The following NRXN1 variants were observed in gnomAD, a reference collection of about 807,000 sequenced individuals.
NRXN1 encodes neurexin 1.
Under a neutral mutation model 150.9 loss-of-function variants are expected in NRXN1, and 39 were observed. The ratio of observed to expected loss-of-function variants is 0.26; its 90% CI spans 0.20 to 0.34. NRXN1 has a LOEUF of 0.34. Ranked by LOEUF, NRXN1 falls within the 10% of genes least tolerant of loss-of-function variation. The pLI, the probability that NRXN1 is intolerant of heterozygous loss-of-function variation, is 1.00. For missense variants in NRXN1, 1,815 were observed against 1,949.9 expected (o/e 0.93, Z 1.30); for synonymous variants, 924 against 757.0 (o/e 1.22, Z -3.62).
chr2:50,463,555 C>T (rs1202516125), intron 17 of NRXN1, among the ~76,000 whole-genome samples: 1 of 151,804 alleles, frequency 6.6e-6, no homozygotes, highest in Non-Finnish European at 1.5e-5. Flanking sequence ...AAGAAAATAA[C>T]GAATAGCCTT....
chr2:50,197,635 G>A (rs73932985), intron 18 of NRXN1, among the ~76,000 whole-genome samples: 2,956 of 152,158 alleles, frequency 0.019, 99 homozygotes, highest in African/African-American at 0.068. Flanking sequence ...TTCTAGAGAT[G>A]AGGCCAGTGA....
At chr2:51,006,179 C>A (rs553178980) in intron 2 of NRXN1, among the ~76,000 whole-genome samples, 36 of 151,758 alleles carry the variant, frequency 2.4e-4, no homozygotes, top group Non-Finnish European at 4.3e-4. Context: ...TATTTATTTC[C>A]AATTTCCTTT....
At chr2:50,451,438 G>A (rs1183793792) in intron 17 of NRXN1, among the ~76,000 whole-genome samples, 1 of 152,078 alleles carries the variant, frequency 6.6e-6, no homozygotes, top group African/African-American at 2.4e-5. Context: ...CTTTTTGAAG[G>A]TATAGCTCTT....
At chr2:49,942,862 A>T (rs34918442) in intron 22 of NRXN1, among the ~76,000 whole-genome samples, 21,966 of 152,066 alleles carry the variant, frequency 0.14, 2,036 homozygotes, top group East Asian at 0.24. Context: ...TGCCTGACTC[A>T]GGTTCCCAAA....
At chr2:50,044,289 C>G (rs1278504827) in intron 21 of NRXN1, among the ~76,000 whole-genome samples, 1 of 152,130 alleles carries the variant, frequency 6.6e-6, no homozygotes, top group Non-Finnish European at 1.5e-5. Context: ...CCCCATATGC[C>G]TCTAGGGTAC....
intron 17 of NRXN1, among the ~76,000 whole-genome samples, chr2:50,334,322 A>T (rs914614874): frequency 5.3e-5 from 8 of 151,624 alleles, no homozygotes; most frequent in Non-Finnish European, 1.2e-4. Context: ...ATTTGTCTGG[A>T]ATTACTAACA....
intron 17 of NRXN1, among the ~76,000 whole-genome samples, chr2:50,444,275 A>C (rs2104472654): frequency 6.6e-6 from 1 of 152,332 alleles, no homozygotes; most frequent in South Asian, 2.1e-4. Context: ...AAAAGTAATA[A>C]GATTTCATAG....
At chr2:50,648,033 G>A (rs1432690808) in intron 5 of NRXN1, among the ~76,000 whole-genome samples, 1 of 151,582 alleles carries the variant, frequency 6.6e-6, no homozygotes, top group Non-Finnish European at 1.5e-5. Context: ...TCTCTACAAT[G>A]AATATTTTTA....
chr2:50,178,237 T>C (rs1559036581), intron 18 of NRXN1, among the ~76,000 whole-genome samples: 2 of 152,054 alleles, frequency 1.3e-5, no homozygotes, highest in Admixed American at 1.3e-4. Flanking sequence ...TTTTTGGCAA[T>C]GCCAGCAACA....
intron 8 of NRXN1, among the ~76,000 whole-genome samples, chr2:50,560,660 G>C (rs1668938567): frequency 6.6e-6 from 1 of 152,174 alleles, no homozygotes; most frequent in South Asian, 2.1e-4. Context: ...TCGAACTCCT[G>C]ACCTCAAGTG....
At chr2:50,214,135 A>G (rs1323266003) in intron 18 of NRXN1, among the ~76,000 whole-genome samples, 2 of 151,882 alleles carry the variant, frequency 1.3e-5, no homozygotes, top group African/African-American at 2.4e-5. Context: ...ATTAGTCATA[A>G]CTTTGATTTT....
Position 50,828,315 on chromosome 2 carries a change from A to AGG in NRXN1, c.832+93552_832+93553dup, listed in dbSNP as rs70958628. ...CTCCCGGACGGGGCGGCTGGCCGGG[A>AGG]GGGGGCTGAACCCCCCGCCTCCCTC... is the stretch of plus-strand genomic sequence containing the variant. On this transcript the variant is annotated intron_variant, in intron 5 of 22. Coordinates refer to ENST00000401669, the MANE Select transcript of NRXN1 (RefSeq NM_001330078.2). Among the ~76,000 whole-genome samples, 4 of 142,400 alleles carry AGG rather than the reference A, an allele frequency of 2.8e-5. 1 individual carries two copies. In the East Asian group the frequency reaches 6.6e-4, roughly 23 times the overall value. 93.4% of individuals were successfully genotyped at this position (142,400 alleles called of 152,430 possible).
intron 17 of NRXN1, among the ~76,000 whole-genome samples, chr2:50,345,342 A>G (rs7599863): frequency 0.61 from 92,977 of 151,946 alleles, 31,132 homozygotes; most frequent in East Asian, 0.92. Context: ...CAGGTGGGAA[A>G]CCCCCACCCC....
intron 17 of NRXN1, among the ~76,000 whole-genome samples, chr2:50,283,841 T>A (rs1169158837): frequency 6.6e-6 from 1 of 152,170 alleles, no homozygotes; most frequent in East Asian, 1.9e-4. Flanking sequence ...ATATCCATTC[T>A]TCTCAGAAAC....
Position 50,551,080 on chromosome 2 carries a change from G to C in NRXN1, c.1759+1507C>G, listed in dbSNP as rs189744142. On this transcript the variant is annotated intron_variant, in intron 9 of 22. Coordinates refer to ENST00000401669, the MANE Select transcript of NRXN1 (RefSeq NM_001330078.2). ...AAGAAGAAGAAGAAGAAGAAGAGGAGGAGGAGGAGGAGGAGGAGGAGGAGG... is the reference window on the plus strand; with the variant it reads ...AAGAAGAAGAAGAAGAAGAAGAGGACGAGGAGGAGGAGGAGGAGGAGGAGG... Among the ~76,000 whole-genome samples the C allele has an allele frequency of 9.1e-5, 5 of 54,928 alleles. 1 individual carries two copies. In the Admixed American group the frequency reaches 9.9e-4, roughly 11 times the overall value. The allele number at this position is 54,928 out of a possible 152,430, so 36.0% of individuals were successfully genotyped here. A position where few individuals can be genotyped will look rare whatever the true frequency, so the allele number is the denominator to read the frequency against.
At chr2:50,013,112 A>T (rs1461621514) in intron 21 of NRXN1, among the ~76,000 whole-genome samples, 1 of 152,110 alleles carries the variant, frequency 6.6e-6, no homozygotes, top group Non-Finnish European at 1.5e-5. Flanking sequence ...ATCATGATTT[A>T]ATCATTTCAT....
chr2:50,334,983 G>A (rs1048185867), intron 17 of NRXN1, among the ~76,000 whole-genome samples: 2 of 152,080 alleles, frequency 1.3e-5, no homozygotes, highest in African/African-American at 2.4e-5. Context: ...TTCAGACTCC[G>A]GGAGAGAAAG....
chr2:50,465,898 A>G (rs566106025), intron 16 of NRXN1, among the ~76,000 whole-genome samples: 1 of 151,968 alleles, frequency 6.6e-6, no homozygotes, highest in African/African-American at 2.4e-5. Flanking sequence ...AAATGAATGG[A>G]TCTCCTTAAC....
chr2:50,444,700 A>T (rs2086251670), intron 17 of NRXN1, among the ~76,000 whole-genome samples: 2 of 152,160 alleles, frequency 1.3e-5, no homozygotes, highest in Non-Finnish European at 2.9e-5. Flanking sequence ...TTAATATTTT[A>T]AAAATAAAAA....
Sources: gnomAD v4.1 joint callset for allele counts (sites outside exome capture counted in the v4.1 genomes callset) on GRCh38, gnomAD v4.1.1 for gene constraint, MANE v1.5 for transcripts, NCBI Gene and HGNC (gene_info 2026-07-23, HGNC 2026-07-21) for gene names.